SHMT1: variants seen among roughly 807,000 people sequenced by gnomAD.
SHMT1 encodes serine hydroxymethyltransferase, cytosolic.
A neutral mutation model predicts 49.0 loss-of-function variants in SHMT1; 45 were observed. The ratio of observed to expected loss-of-function variants is 0.92; its 90% CI spans 0.72 to 1.18. The LOEUF (loss-of-function observed/expected upper bound fraction) is 1.18, where lower values mean the gene tolerates loss of function less well. SHMT1 is among the 50% of genes most tolerant of loss of function. SHMT1 has a pLI of 0.00. For missense variants in SHMT1, 541 were observed against 612.4 expected, an observed-to-expected ratio of 0.88 and a Z score of 1.23; for synonymous variants, 232 against 246.6, an observed-to-expected ratio of 0.94 and a Z score of 0.55.
At chr17:18,335,415 T>C in intron 8 of SHMT1, 144 bp downstream of exon 8, 1 of 697,412 alleles carries the variant, frequency 1.4e-6, no homozygotes, top group Non-Finnish European at 2.6e-6. Context: ...GTCTCAACCA[T>C]GCCCTACTCT....
At chr17:18,337,069 A>G (rs1010512376) in intron 7 of SHMT1, among the ~76,000 whole-genome samples, 7 of 137,416 alleles carry the variant, frequency 5.1e-5, no homozygotes, top group Middle Eastern at 3.5e-3. Flanking sequence ...CTATTCAGTC[A>G]TAATCGGTAA....
chr17:18,355,559 G>GTAAAA (rs1035477470), intron 2 of SHMT1, among the ~76,000 whole-genome samples: 7 of 151,866 alleles, frequency 4.6e-5, no homozygotes, highest in African/African-American at 7.2e-5. Context: ...AAATAAACAA[G>GTAAAA]TAAAATAAAA....
intron 5 of SHMT1, among the ~76,000 whole-genome samples, chr17:18,342,386 G>A (rs533006254): frequency 2.0e-5 from 3 of 151,880 alleles, no homozygotes; most frequent in East Asian, 2.0e-4. Context: ...GTGCCATCTC[G>A]GCTCATTGCA....
chr17:18,357,297 A>G (rs1187330044), intron 1 of SHMT1, among the ~76,000 whole-genome samples: 3 of 151,276 alleles, frequency 2.0e-5, no homozygotes, highest in African/African-American at 7.3e-5. Flanking sequence ...AAAAAAAAAA[A>G]AAAAAAAAAG....
intron 4 of SHMT1, among the ~76,000 whole-genome samples, chr17:18,347,914 G>GTTT (rs753251331): frequency 8.0e-5 from 11 of 137,594 alleles, no homozygotes; most frequent in South Asian, 2.3e-4. Flanking sequence ...ATTTATGGCA[G>GTTT]TTTTTTTTTT....
At chr17:18,337,584 TCTCCCTCTCCCTTTCCAC>T (rs1983941944) in intron 7 of SHMT1, among the ~76,000 whole-genome samples, 1 of 80,344 alleles carries the variant, frequency 1.2e-5, no homozygotes, top group Admixed American at 1.4e-4. Flanking sequence ...CTCCCCACGG[TCTCCCTCTCCCTTTCCAC>T]GGTCTCCCTC....
chr17:18,348,422 C>T lies in SHMT1; in HGVS notation c.261G>A (p.Glu87=), dbSNP rs1270767742. The change falls in exon 4 of 12, where the codon GAG becomes GAA. Residue 87 remains glutamate, a synonymous_variant. Transcript: ENST00000316694. ...YPGQRYYGGT[E]FIDELETLCQ... is the part of the protein sequence containing the mutation. The stretch of plus-strand genomic sequence containing the variant: ...AGAGGGTCTCCAGTTCATCAATAAA[C>T]TCAGTCCCGCCATAGTATCTGTGGG... The T allele has an allele frequency of 6.2e-7, 1 of 1,613,228 alleles. No homozygotes were observed. The highest frequency in any genetic ancestry group is 8.5e-7 in the Non-Finnish European group (1 of 1,179,172).
chr17:18,348,934 A>T (rs1985394390), intron 3 of SHMT1, among the ~76,000 whole-genome samples: 1 of 151,286 alleles, frequency 6.6e-6, no homozygotes, highest in African/African-American at 2.4e-5. Context: ...AGCTGTGATC[A>T]CGCCACTGGA....
At position 18,347,559 on chromosome 17, in the gene SHMT1, C is replaced by T. The variant is rs572335409; in HGVS notation, c.456G>A (p.Gly152=). Residue 152 remains glycine, a synonymous_variant, in exon 5 of 12, where the codon GGG becomes GGA. Coordinates refer to ENST00000316694, the MANE Select transcript of SHMT1 (RefSeq NM_004169.5). ...AGATTTTCTTCTTGTCTGTCATGAA[C>T]CCATGGGTCAGGTGGCCCCCATCCG... ...DLPDGGHLTH[G]FMTDKKKISA... The T allele has an allele frequency of 1.1e-5, 17 of 1,614,178 alleles. No individual in the cohort carries two copies. In the South Asian group the frequency reaches 1.9e-4, roughly 18 times the overall value.
At chr17:18,332,427 C>T (rs1279400402) in intron 9 of SHMT1, 1 of 153,986 alleles carries the variant, frequency 6.5e-6, no homozygotes, top group Non-Finnish European at 1.4e-5. Flanking sequence ...GGGCAAAGGA[C>T]ACGGTGCAGA....
chr17:18,344,807 G>A (rs1056331701), intron 5 of SHMT1, among the ~76,000 whole-genome samples: 4 of 152,152 alleles, frequency 2.6e-5, no homozygotes, highest in African/African-American at 4.8e-5. Flanking sequence ...AGGAATTCTC[G>A]AGTCACAGTG....
At chr17:18,342,539 C>G (rs1984634942) in intron 5 of SHMT1, among the ~76,000 whole-genome samples, 1 of 151,850 alleles carries the variant, frequency 6.6e-6, no homozygotes, top group Non-Finnish European at 1.5e-5. Flanking sequence ...GTCTCGAACT[C>G]CTGGACTCAA....
At chr17:18,343,495 C>T (rs960963809) in intron 5 of SHMT1, among the ~76,000 whole-genome samples, 3 of 149,404 alleles carry the variant, frequency 2.0e-5, no homozygotes, top group African/African-American at 7.4e-5. Context: ...GCAGTCCTAG[C>T]GATTCAGGAA....
At position 18,338,720 on chromosome 17, in the gene SHMT1, A is replaced by C. The variant is rs370329296; in HGVS notation, c.814+1323T>G. Among the ~76,000 whole-genome samples the C allele has an allele frequency of 9.8e-5, 15 of 152,314 alleles. No individual in the cohort carries two copies. In the East Asian group the frequency reaches 2.3e-3, roughly 23 times the overall value. On this transcript the variant is annotated intron_variant, in intron 7 of 11. Transcript: ENST00000316694. ...TCCATTTTGTTCTGTACTAAGAAAAATTCTTCTGTTAATCTATAACCTTAC... is the reference window on the plus strand; with the variant it reads ...TCCATTTTGTTCTGTACTAAGAAAACTTCTTCTGTTAATCTATAACCTTAC...
chr17:18,337,709 T>C (rs1025726888), intron 7 of SHMT1, among the ~76,000 whole-genome samples: 38 of 152,150 alleles, frequency 2.5e-4, no homozygotes, highest in African/African-American at 8.4e-4. Context: ...GTGCCTGGGA[T>C]TGCAGGCACG....
intron 9 of SHMT1, chr17:18,331,553 A>G (rs527586974): frequency 6.5e-6 from 1 of 152,786 alleles, no homozygotes; most frequent in East Asian, 1.9e-4. Flanking sequence ...AGCCATGTGC[A>G]TCGGGTCCTC....
intron 1 of SHMT1, among the ~76,000 whole-genome samples, chr17:18,359,645 G>A (rs1344472398): frequency 6.7e-6 from 1 of 149,402 alleles, no homozygotes; most frequent in African/African-American, 2.5e-5. Flanking sequence ...GAGTGAGACT[G>A]TGTCTCAATA....
At chr17:18,339,651 C>A (rs1984264795) in intron 7 of SHMT1, among the ~76,000 whole-genome samples, 1 of 152,086 alleles carries the variant, frequency 6.6e-6, no homozygotes, top group Admixed American at 6.6e-5. Context: ...AGCTCCACCT[C>A]CCAGGCTCAC....
chr17:18,335,143 C>A (rs1031923156), intron 8 of SHMT1, among the ~76,000 whole-genome samples: 1 of 152,186 alleles, frequency 6.6e-6, no homozygotes, highest in African/African-American at 2.4e-5. Context: ...GAGTCACTGG[C>A]GTGGCACTGG....
Sources: gnomAD v4.1 joint callset for allele counts (sites outside exome capture counted in the v4.1 genomes callset) on GRCh38, gnomAD v4.1.1 for gene constraint, MANE v1.5 for transcripts, NCBI Gene and HGNC (gene_info 2026-07-23, HGNC 2026-07-21) for gene names.